Variants in HNF4G observed in about 807,000 individuals in gnomAD.
HNF4G encodes the protein hepatocyte nuclear factor 4-gamma.
A neutral mutation model predicts 50.9 loss-of-function variants in HNF4G; 21 were observed. The observed-to-expected ratio is 0.41, with a 90% CI of 0.29 to 0.59. The LOEUF is 0.59. HNF4G is among the 20% of genes least tolerant of loss of function. HNF4G has a pLI of 0.26. For synonymous variants in HNF4G, 198 were observed against 185.6 expected, an observed-to-expected ratio of 1.07 and a Z score of -0.54; for missense variants, 527 against 559.4, an observed-to-expected ratio of 0.94 and a Z score of 0.58.
chr8:75,495,272 T>G (rs1812739142), intron 2 of HNF4G: 1 of 152,198 alleles, frequency 6.6e-6, no homozygotes, highest in Non-Finnish European at 1.5e-5. Context: ...GTGTAATATC[T>G]CTGAAGTTTC....
At chr8:75,430,313 T>A (rs1008084443) in intron 1 of HNF4G, among the ~76,000 whole-genome samples, 4 of 152,184 alleles carry the variant, frequency 2.6e-5, no homozygotes, top group African/African-American at 9.7e-5. Context: ...CTTCACTGCA[T>A]ACAGCCTAGG....
At position 75,553,069 on chromosome 8, in the gene HNF4G, A is replaced by G. The variant is rs1233843287; in HGVS notation, c.517A>G (p.Thr173Ala). Residue 173 changes from threonine (T) to alanine (A), a missense_variant, in exon 5 of 10, where the codon ACT (threonine) becomes GCT (alanine). Around this residue, in one of 5 missense-constraint regions of HNF4G, gnomAD observed 128 missense variants for 135.3 expected, o/e 0.95. Coordinates refer to ENST00000396423, the MANE Select transcript of HNF4G (RefSeq NM_004133.5). ...QISVSSPGSSTDINVKKIASI... is the reference protein window; with the variant it reads ...QISVSSPGSSADINVKKIASI... ...CTCAGTCTCAAGCCCTGGGTCAAGC[A>G]CTGACATAAACGTTAAGAAAATTGC... 3 of 1,612,112 alleles carry G rather than the reference A, an allele frequency of 1.9e-6. No homozygotes were observed. Among genetic ancestry groups the G allele is most frequent in the Non-Finnish European group, 2.5e-6 (3 of 1,178,674 alleles).
intron 2 of HNF4G, among the ~76,000 whole-genome samples, chr8:75,530,862 GGTT>G: frequency 6.8e-6 from 1 of 146,138 alleles, no homozygotes; most frequent in Non-Finnish European, 1.5e-5. Flanking sequence ...GTGCGATCTC[GGTT>G]CACTGCAACC....
chr8:75,483,466 C>G (rs1219299899), intron 1 of HNF4G, among the ~76,000 whole-genome samples: 1 of 152,150 alleles, frequency 6.6e-6, no homozygotes, highest in Non-Finnish European at 1.5e-5. Flanking sequence ...CAGAGAAGTT[C>G]CCTCTGGTGC....
intron 7 of HNF4G, 38 bp downstream of exon 7, chr8:75,558,708 A>G (rs1475923209): frequency 1.9e-6 from 3 of 1,590,442 alleles, no homozygotes; most frequent in African/African-American, 1.4e-5. Context: ...TTAATATAAT[A>G]AAAATTGAAC....
chr8:75,476,460 T>G (rs1023509903), intron 1 of HNF4G, among the ~76,000 whole-genome samples: 2 of 152,246 alleles, frequency 1.3e-5, no homozygotes, highest in Non-Finnish European at 2.9e-5. Flanking sequence ...ACAAAATTGT[T>G]GAAATTCTGC....
At chr8:75,533,909 T>C (rs1806394598) in intron 2 of HNF4G, among the ~76,000 whole-genome samples, 1 of 151,916 alleles carries the variant, frequency 6.6e-6, no homozygotes, top group Non-Finnish European at 1.5e-5. Context: ...CTCTCTTATT[T>C]ATATGTTTAT....
chr8:75,538,223 T>C (rs1240928549), upstream of HNF4G, among the ~76,000 whole-genome samples: 1 of 152,218 alleles, frequency 6.6e-6, no homozygotes, highest in Non-Finnish European at 1.5e-5. Flanking sequence ...CTCTGATTAG[T>C]TGCTAATTGC....
intron 1 of HNF4G, among the ~76,000 whole-genome samples, chr8:75,412,453 C>T (rs915758020): frequency 6.6e-6 from 1 of 152,198 alleles, no homozygotes; most frequent in Admixed American, 6.5e-5. Context: ...GAATGTTTGA[C>T]ACTTCCTACA....
intron 1 of HNF4G, among the ~76,000 whole-genome samples, chr8:75,446,908 C>G (rs1811432012): frequency 4.1e-5 from 5 of 122,426 alleles, no homozygotes; most frequent in African/African-American, 1.7e-4. Context: ...CAATGACTTT[C>G]TTCACAGAAT....
intron 9 of HNF4G, among the ~76,000 whole-genome samples, chr8:75,560,839 T>C (rs1807291577): frequency 6.6e-6 from 1 of 152,106 alleles, no homozygotes; most frequent in South Asian, 2.1e-4. Flanking sequence ...TTCAAAAACG[T>C]TTGTCAAAAT....
At chr8:75,563,170 T>A (rs1343145124) in intron 9 of HNF4G, among the ~76,000 whole-genome samples, 2 of 152,120 alleles carry the variant, frequency 1.3e-5, no homozygotes, top group Non-Finnish European at 2.9e-5. Flanking sequence ...TGTGGAATAA[T>A]ACAATAACAA....
intron 2 of HNF4G, among the ~76,000 whole-genome samples, chr8:75,520,423 CTTT>C (rs1206566310): frequency 2.0e-5 from 3 of 150,982 alleles, no homozygotes; most frequent in Non-Finnish European, 3.0e-5. Flanking sequence ...CTCGTTCTTT[CTTT>C]TTATGTTTTT....
intron 2 of HNF4G, among the ~76,000 whole-genome samples, chr8:75,520,693 C>T (rs548114773): frequency 2.2e-4 from 34 of 152,270 alleles, no homozygotes; most frequent in African/African-American, 8.2e-4. Flanking sequence ...GCCCCTCAGT[C>T]TCCCAAAGTG....
intron 1 of HNF4G, among the ~76,000 whole-genome samples, chr8:75,468,559 T>G (rs886706908): frequency 6.6e-6 from 1 of 151,998 alleles, no homozygotes; most frequent in African/African-American, 2.4e-5. Flanking sequence ...CCGAGTGTGG[T>G]GGCATGTGCC....
chr8:75,425,886 C>G (rs542552554), intron 1 of HNF4G, among the ~76,000 whole-genome samples: 5 of 151,986 alleles, frequency 3.3e-5, no homozygotes, highest in Non-Finnish European at 5.9e-5. Flanking sequence ...ACTTGACACT[C>G]CTTTCTGACG....
intron 6 of HNF4G, among the ~76,000 whole-genome samples, chr8:75,556,422 C>T (rs1807128306): frequency 6.6e-6 from 1 of 152,080 alleles, no homozygotes; most frequent in South Asian, 2.1e-4. Context: ...TCCTCAGAGT[C>T]TGCTTTTTAT....
intron 1 of HNF4G, among the ~76,000 whole-genome samples, chr8:75,422,687 G>T (rs1377536373): frequency 6.6e-6 from 1 of 150,768 alleles, no homozygotes; most frequent in Non-Finnish European, 1.5e-5. Context: ...AGGCTGGAGT[G>T]CGGTGGTGCG....
chr8:75,463,075 T>TC (rs1811891552), intron 1 of HNF4G, among the ~76,000 whole-genome samples: 1 of 151,586 alleles, frequency 6.6e-6, no homozygotes, highest in Non-Finnish European at 1.5e-5. Context: ...TGTTTTTTTT[T>TC]TTTCTGTAAT....
Sources: gnomAD v4.1 joint callset for allele counts (sites outside exome capture counted in the v4.1 genomes callset) on GRCh38, gnomAD v4.1.1 for gene constraint, gnomAD v4.1.1 regional missense constraint, MANE v1.5 for transcripts, NCBI Gene and HGNC (gene_info 2026-07-23, HGNC 2026-07-21) for gene names.